The following MMP8 variants were observed in gnomAD, a reference collection of about 807,000 sequenced individuals.
MMP8 encodes matrix metallopeptidase 8, also known as neutrophil collagenase.
A neutral mutation model predicts 51.2 loss-of-function variants in MMP8; 67 were observed. That is an observed-to-expected ratio of 1.31 (90% CI 1.08 to 1.60). The LOEUF is 1.60. Among genes scored for constraint, MMP8 ranks in the 40% most tolerant of loss-of-function variants. MMP8 has a pLI of 0.00. For synonymous variants in MMP8, 225 were observed against 191.0 expected, an observed-to-expected ratio of 1.18 and a Z score of -1.47; for missense variants, 654 against 558.1, an observed-to-expected ratio of 1.17 and a Z score of -1.73.
intron 4 of MMP8, 57 bp downstream of exon 4, chr11:102,721,344 T>C: frequency 1.4e-6 from 2 of 1,473,678 alleles, no homozygotes; most frequent in Non-Finnish European, 1.9e-6. Context: ...GTGTGTATTC[T>C]AATCTGTAAA....
intron 4 of MMP8, 140 bp downstream of exon 4, chr11:102,721,261 G>T: frequency 8.2e-7 from 1 of 1,216,500 alleles, no homozygotes; most frequent in Non-Finnish European, 1.1e-6. Context: ...GTATCATGAG[G>T]TAGCAAAAAT....
At position 102,713,350 on chromosome 11, in the gene MMP8, A is replaced by T. The variant is rs1243151793; in HGVS notation, c.1402T>A (p.Ter468ArgextTer34). 1.9e-6 allele frequency: 3 copies of T among 1,607,640 alleles called. No homozygotes were observed. Among genetic ancestry groups the T allele is most frequent in the Non-Finnish European group, 2.6e-6 (3 of 1,174,570 alleles). ...GNKWLNCRYG[*>R] is the part of the protein sequence containing the mutation. ...ATACAGCCACATTTGATTTTGCTTC[A>T]GCCATATCTACAGTTAAGCCATTTA... is the stretch of plus-strand genomic sequence containing the variant. The change falls in exon 10 of 10, where the codon TGA becomes AGA. Residue 468 changes from the stop codon to arginine, a stop_lost. Coordinates refer to ENST00000236826, the MANE Select transcript of MMP8 (RefSeq NM_002424.3).
chr11:102,721,130 G>C (rs1428008572), intron 4 of MMP8, among the ~76,000 whole-genome samples: 2 of 152,076 alleles, frequency 1.3e-5, no homozygotes, highest in African/African-American at 2.4e-5. Context: ...ATACAGACAG[G>C]GGTCAGGCAG....
Position 102,721,732 on chromosome 11 carries a change from C to G in MMP8, c.378G>C (p.Glu126Asp), listed in dbSNP as rs184567579. ...RIRNYTPQLSEAEVERAIKDA... is the reference protein window; with the variant it reads ...RIRNYTPQLSDAEVERAIKDA... Reference sequence around the variant, plus strand: ...CCTTGATAGCTCTTTCTACCTCAGCCTCTGACAGCTGTGGGGTATAGTTTC... The same window carrying G: ...CCTTGATAGCTCTTTCTACCTCAGCGTCTGACAGCTGTGGGGTATAGTTTC... The change falls in exon 3 of 10, where the codon GAG becomes GAC. Residue 126 changes from glutamate to aspartate, a missense_variant. Coordinates refer to ENST00000236826, the MANE Select transcript of MMP8 (RefSeq NM_002424.3). The G allele has an allele frequency of 1.2e-4, 192 of 1,613,746 alleles. 2 individuals carry two copies. The East Asian group carries it at 4.0e-3, about 34-fold the overall frequency.
Position 102,724,838 on chromosome 11 carries a change from C to T in MMP8, c.18G>A (p.Thr6=), listed in dbSNP as rs373918794. The T allele has an allele frequency of 1.7e-5, 28 of 1,609,992 alleles. No homozygotes were observed. Among genetic ancestry groups the T allele is most frequent in the Admixed American group, 3.3e-5 (2 of 59,778 alleles). Residue 6 remains threonine, a synonymous_variant, in exon 1 of 10, where the codon ACG becomes ACA. Transcript: ENST00000236826. ...CATGGAGTAAGAGCAGAAATGGAAG[C>T]GTCTTCAGGGAGAACATGATCTTCT... MFSLK[T]LPFLLLLHVQ...
intron 5 of MMP8, among the ~76,000 whole-genome samples, chr11:102,717,844 C>G (rs757841452): frequency 6.6e-6 from 1 of 152,178 alleles, no homozygotes; most frequent in East Asian, 1.9e-4. Flanking sequence ...CAATGGCTCA[C>G]GCCTGTAATC....
rs1861299589 is a variant in MMP8 at position 102,716,425 on chromosome 11, A to AG, written c.785-7_785-6insC. 1 of 794,326 alleles carries AG rather than the reference A, an allele frequency of 1.3e-6. No homozygotes were observed. The highest frequency in any genetic ancestry group is 1.7e-6 in the Non-Finnish European group (1 of 582,938). 49.2% of individuals were successfully genotyped at this position (794,326 alleles called of 1,614,324 possible). On this transcript the variant is annotated splice_polypyrimidine_tract_variant and splice_region_variant and intron_variant, in intron 5 of 9. Transcript: ENST00000236826. The stretch of plus-strand genomic sequence containing the variant: ...GATAGGGTTGCTTGAAAGTCCTGGA[A>AG]AAAAAAAAAAAAAAAAAAAAAAGGT...
At chr11:102,714,761 ATTATAT>A (rs763177382) in intron 7 of MMP8, 52 bp from the exon 8 acceptor site, 1 of 264,396 alleles carries the variant, frequency 3.8e-6, no homozygotes, top group South Asian at 4.8e-5. Flanking sequence ...TTTTTACAAA[ATTATAT>A]ATATATATAT....
At chr11:102,716,599 T>A (rs1175034408) in intron 5 of MMP8, among the ~76,000 whole-genome samples, 180 bp from the exon 6 acceptor site, 2 of 152,182 alleles carry the variant, frequency 1.3e-5, no homozygotes, top group Non-Finnish European at 1.5e-5. Context: ...AAAGTTTTTG[T>A]TTCTTTAATA....
chr11:102,722,573 C>A lies in MMP8; in HGVS notation c.203G>T (p.Arg68Leu). 3 of 1,613,922 alleles carry A rather than the reference C, an allele frequency of 1.9e-6. No individual in the cohort carries two copies. The highest frequency in any genetic ancestry group is 2.5e-6 in the Non-Finnish European group (3 of 1,179,862). Residue 68 changes from arginine (R) to leucine (L), a missense_variant, in exon 2 of 10, where the codon CGA becomes CTA. Arg to Leu is a moderately radical substitution (Grantham distance 102). Coordinates refer to ENST00000236826, the MANE Select transcript of MMP8 (RefSeq NM_002424.3). ...VIVEKLKEMQ[R>L]FFGLNVTGKP... ...CCCCGTCACATTCAACCCAAAAAAT[C>A]GCTGCATTTCTTTAAGCTTTTCAAC... is the stretch of plus-strand genomic sequence containing the variant.
chr11:102,717,289 G>A (rs947234202), intron 5 of MMP8, among the ~76,000 whole-genome samples: 5 of 152,132 alleles, frequency 3.3e-5, no homozygotes, highest in Non-Finnish European at 5.9e-5. Flanking sequence ...AGATGTAATG[G>A]TCTTATCCAG....
intron 4 of MMP8, 83 bp downstream of exon 4, chr11:102,721,318 T>TTTTGTG: frequency 7.4e-7 from 1 of 1,353,000 alleles, no homozygotes; most frequent in Non-Finnish European, 1.0e-6. Context: ...GTTACCTTTA[T>TTTTGTG]TGTGTGTGTG....
At chr11:102,713,708 TAAAC>T (rs1403569560) in intron 9 of MMP8, 42 bp downstream of exon 9, 3 of 1,497,222 alleles carry the variant, frequency 2.0e-6, no homozygotes, top group South Asian at 1.2e-5. Context: ...TCCTCTATAA[TAAAC>T]AAACAAACAA....
rs76594083 is a variant in MMP8, at chr11:102,721,757, C to T, written c.353G>A (p.Arg118Gln). Reference sequence around the variant, plus strand: ...CTCTGACAGCTGTGGGGTATAGTTTCGAATCCTTCAAAATGAGAGGATGTA... The same window carrying T: ...CTCTGACAGCTGTGGGGTATAGTTTTGAATCCTTCAAAATGAGAGGATGTA... ...WERTNLTYRI[R>Q]NYTPQLSEAE... The change falls in exon 3 of 10, where the codon CGA becomes CAA. Residue 118 changes from arginine to glutamine, a missense_variant. Arg to Gln is a conservative substitution (Grantham distance 43). Transcript: ENST00000236826. 7.1e-4 allele frequency: 1,147 copies of T among 1,613,408 alleles called. 7 individuals are homozygous for T. The African/African-American group carries it at 0.013, about 19-fold the overall frequency.
intron 1 of MMP8, among the ~76,000 whole-genome samples, chr11:102,723,250 T>C (rs925017397): frequency 1.3e-5 from 2 of 152,168 alleles, no homozygotes; most frequent in African/African-American, 4.8e-5. Flanking sequence ...CCAAAGTAAC[T>C]CTTTGGAAGT....
chr11:102,722,386 A>T (rs1441039119), intron 2 of MMP8, 43 bp downstream of exon 2: 1 of 1,602,350 alleles, frequency 6.2e-7, no homozygotes, highest in East Asian at 2.2e-5. Context: ...AGCCCAGTCC[A>T]TACTGGATAA....
chr11:102,719,307 C>T (rs1861401719), intron 4 of MMP8, among the ~76,000 whole-genome samples: 3 of 152,168 alleles, frequency 2.0e-5, no homozygotes, highest in South Asian at 2.1e-4. Context: ...TATTTGAGTG[C>T]TTGCCTTTTA....
At chr11:102,713,976 C>T (rs913153724) in intron 8 of MMP8, 119 bp from the exon 9 acceptor site, 7 of 598,288 alleles carry the variant, frequency 1.2e-5, no homozygotes, top group Non-Finnish European at 2.0e-5. Flanking sequence ...TCAGTTCTCA[C>T]AATGCCCTGT....
At chr11:102,724,615 C>T in intron 1 of MMP8, 139 bp downstream of exon 1, 1 of 722,774 alleles carries the variant, frequency 1.4e-6, no homozygotes, top group Non-Finnish European at 2.2e-6. Flanking sequence ...CCCTCCAAAT[C>T]ACTAAAAGGA....
Sources: gnomAD v4.1 joint callset for allele counts (sites outside exome capture counted in the v4.1 genomes callset) on GRCh38, gnomAD v4.1.1 for gene constraint, MANE v1.5 for transcripts, NCBI Gene and HGNC (gene_info 2026-07-23, HGNC 2026-07-21) for gene names.